The following LDLRAD4 variants were observed in gnomAD, a reference collection of about 807,000 sequenced individuals.
LDLRAD4 encodes low density lipoprotein receptor class A domain containing 4.
In LDLRAD4, 5 loss-of-function variants were observed where a neutral mutation model predicts 17.0. The observed-to-expected ratio is 0.29, with a 90% CI of 0.15 to 0.62. The LOEUF (loss-of-function observed/expected upper bound fraction) is 0.62. Ranked by LOEUF, LDLRAD4 falls within the 20% of genes least tolerant of loss-of-function variation. The probability of loss-of-function intolerance (pLI) is 0.84; values close to 1 mark genes in which losing one functional copy is unlikely to be tolerated. For synonymous variants in LDLRAD4, 168 were observed against 171.8 expected, an observed-to-expected ratio of 0.98 and a Z score of 0.17; for missense variants, 340 against 424.7, an observed-to-expected ratio of 0.80 and a Z score of 1.75.
intron 1 of LDLRAD4, among the ~76,000 whole-genome samples, chr18:13,251,348 A>G (rs1343407574): frequency 2.0e-5 from 3 of 152,210 alleles, no homozygotes; most frequent in African/African-American, 7.2e-5. Context: ...CACCACTCCT[A>G]TTCAACACGT....
intron 1 of LDLRAD4, among the ~76,000 whole-genome samples, chr18:13,344,375 C>G (rs1435590313): frequency 6.6e-6 from 1 of 152,132 alleles, no homozygotes; most frequent in Non-Finnish European, 1.5e-5. Context: ...TCAGCTTTGT[C>G]AGAGATCAGA....
chr18:13,218,492 G>T (rs866347664), upstream of LDLRAD4, among the ~76,000 whole-genome samples: 2 of 152,088 alleles, frequency 1.3e-5, no homozygotes, highest in Non-Finnish European at 2.9e-5. Context: ...AACTGTCTCC[G>T]CGCCCCTAGG....
intron 3 of LDLRAD4, among the ~76,000 whole-genome samples, chr18:13,566,068 C>T (rs2094597298): frequency 6.6e-6 from 1 of 152,220 alleles, no homozygotes; most frequent in South Asian, 2.1e-4. Flanking sequence ...AATGCTCCCT[C>T]CCAGCCCCTG....
At chr18:13,635,628 G>A (rs1156397830) in intron 4 of LDLRAD4, among the ~76,000 whole-genome samples, 1 of 152,130 alleles carries the variant, frequency 6.6e-6, no homozygotes, top group Non-Finnish European at 1.5e-5. Flanking sequence ...GCTGTTCACT[G>A]ACCATTCAGA....
chr18:13,561,285 A>G (rs1330301484), intron 3 of LDLRAD4: 1 of 152,202 alleles, frequency 6.6e-6, no homozygotes, highest in East Asian at 1.9e-4. Flanking sequence ...GCTTCCGTTA[A>G]CTTATCACCC....
chr18:13,370,592 T>C (rs888732836), intron 1 of LDLRAD4, among the ~76,000 whole-genome samples: 1 of 152,208 alleles, frequency 6.6e-6, no homozygotes, highest in African/African-American at 2.4e-5. Flanking sequence ...CGTTTCTTGC[T>C]GTGCGGAAGT....
At chr18:13,431,508 A>G (rs1227203478) in intron 2 of LDLRAD4, among the ~76,000 whole-genome samples, 1 of 152,194 alleles carries the variant, frequency 6.6e-6, no homozygotes, top group East Asian at 1.9e-4. Context: ...TGATTTGTTC[A>G]AGCTGCTCTG....
chr18:13,638,644 A>G (rs2042273957), intron 4 of LDLRAD4, among the ~76,000 whole-genome samples: 1 of 152,226 alleles, frequency 6.6e-6, no homozygotes, highest in African/African-American at 2.4e-5. Flanking sequence ...GGTCTCAAGG[A>G]ACTGGTCCTT....
intron 1 of LDLRAD4, among the ~76,000 whole-genome samples, chr18:13,244,745 G>A (rs1209797903): frequency 6.6e-6 from 1 of 152,124 alleles, no homozygotes; most frequent in African/African-American, 2.4e-5. Context: ...ACACACAGCA[G>A]GTCTTACTTC....
At chr18:13,245,777 T>C (rs2042925649) in intron 1 of LDLRAD4, among the ~76,000 whole-genome samples, 1 of 152,212 alleles carries the variant, frequency 6.6e-6, no homozygotes. Context: ...GCAGGGCCCT[T>C]GCAGCTCTGC....
intron 3 of LDLRAD4, chr18:13,561,638 C>T (rs1287504526): frequency 2.6e-5 from 4 of 152,028 alleles, no homozygotes; most frequent in African/African-American, 7.2e-5. Context: ...CAAAGACGGA[C>T]GTGATGACAC....
At chr18:13,594,069 C>A (rs1227928534) in intron 3 of LDLRAD4, among the ~76,000 whole-genome samples, 2 of 152,270 alleles carry the variant, frequency 1.3e-5, no homozygotes. Flanking sequence ...CACACACATG[C>A]AACTGCATTT....
chr18:13,593,630 C>G (rs1248763347), intron 3 of LDLRAD4, among the ~76,000 whole-genome samples: 1 of 152,200 alleles, frequency 6.6e-6, no homozygotes, highest in African/African-American at 2.4e-5. Flanking sequence ...GTCTATCTAG[C>G]TAGCTAGCTA....
intron 1 of LDLRAD4, among the ~76,000 whole-genome samples, chr18:13,338,349 G>A (rs776912470): frequency 1.3e-5 from 2 of 152,112 alleles, no homozygotes; most frequent in Non-Finnish European, 2.9e-5. Context: ...GGTAAAATCA[G>A]GTATCTTTTC....
intron 1 of LDLRAD4, among the ~76,000 whole-genome samples, chr18:13,353,555 C>T (rs1333829210): frequency 6.6e-6 from 1 of 152,236 alleles, no homozygotes; most frequent in Non-Finnish European, 1.5e-5. Context: ...GTCACTGCTG[C>T]TTCCTGTTTC....
chr18:13,642,254 T>C, intron 4 of LDLRAD4: 3 of 987,168 alleles, frequency 3.0e-6, no homozygotes, highest in Non-Finnish European at 3.6e-6. Context: ...CGTCGGAGGC[T>C]CAGTGATGGC....
intron 1 of LDLRAD4, among the ~76,000 whole-genome samples, chr18:13,293,383 T>C (rs2046079953): frequency 6.6e-6 from 1 of 152,200 alleles, no homozygotes; most frequent in African/African-American, 2.4e-5. Flanking sequence ...TGTGATTATT[T>C]TATGGCTTCT....
intron 1 of LDLRAD4, among the ~76,000 whole-genome samples, chr18:13,226,859 C>T (rs1359728094): frequency 3.3e-5 from 5 of 152,200 alleles, no homozygotes; most frequent in Non-Finnish European, 7.3e-5. Context: ...TGCTCTTGGT[C>T]TTCCCCCAGC....
At chr18:13,284,097 A>G (rs2045465097) in intron 1 of LDLRAD4, among the ~76,000 whole-genome samples, 1 of 152,200 alleles carries the variant, frequency 6.6e-6, no homozygotes, top group South Asian at 2.1e-4. Context: ...TTGGGTGGCA[A>G]CACAGCCAAA....
Sources: gnomAD v4.1 joint callset for allele counts (sites outside exome capture counted in the v4.1 genomes callset) on GRCh38, gnomAD v4.1.1 for gene constraint, MANE v1.5 for transcripts, NCBI Gene and HGNC (gene_info 2026-07-23, HGNC 2026-07-21) for gene names.